RIN2: variants seen among roughly 807,000 people sequenced by gnomAD.
RIN2 encodes the protein Ras and Rab interactor 2, also known as RAB5 interacting protein 2.
A neutral mutation model predicts 78.0 loss-of-function variants in RIN2; 36 were observed. That is an observed-to-expected ratio of 0.46 (90% CI 0.35 to 0.61). The LOEUF (loss-of-function observed/expected upper bound fraction) is 0.61, where lower values mean the gene tolerates loss of function less well. Among genes scored for constraint, RIN2 ranks in the 20% least tolerant of loss-of-function variants. The probability of loss-of-function intolerance (pLI) is 0.00; values close to 1 mark genes in which losing one functional copy is unlikely to be tolerated. For missense variants in RIN2, 1,087 were observed against 1,159.7 expected, an observed-to-expected ratio of 0.94 and a Z score of 0.91; for synonymous variants, 466 against 466.8, an observed-to-expected ratio of 1.00 and a Z score of 0.02.
chr20:19,992,368 A>T, intron 11 of RIN2, 69 bp downstream of exon 11: 1 of 1,415,854 alleles, frequency 7.1e-7, no homozygotes, highest in Non-Finnish European at 9.5e-7. Flanking sequence ...ATTGAGACGA[A>T]ATTCATGTCA....
At chr20:19,878,143 C>G (rs2037913969) in intron 2 of RIN2, among the ~76,000 whole-genome samples, 1 of 152,242 alleles carries the variant, frequency 6.6e-6, no homozygotes, top group South Asian at 2.1e-4. Context: ...CCTCACCCCT[C>G]CTCGTGGAAG....
At chr20:19,941,261 A>C (rs145234234) in intron 4 of RIN2, among the ~76,000 whole-genome samples, 44 of 152,296 alleles carry the variant, frequency 2.9e-4, no homozygotes, top group African/African-American at 1.0e-3. Flanking sequence ...GGAAACCCAG[A>C]AGGCTCCTCC....
intron 9 of RIN2, among the ~76,000 whole-genome samples, chr20:19,986,675 G>A (rs1041107254): frequency 6.6e-6 from 1 of 152,156 alleles, no homozygotes; most frequent in South Asian, 2.1e-4. Flanking sequence ...AGCCTTTTGG[G>A]GATGATTTGT....
chr20:19,762,070 A>G (rs902939742), intron 1 of RIN2, among the ~76,000 whole-genome samples: 2 of 152,166 alleles, frequency 1.3e-5, no homozygotes, highest in African/African-American at 4.8e-5. Flanking sequence ...TAGGGTGTCT[A>G]AGTGTGTGTG....
At chr20:19,894,166 T>A (rs1359788512) in intron 3 of RIN2, among the ~76,000 whole-genome samples, 1 of 152,160 alleles carries the variant, frequency 6.6e-6, no homozygotes, top group Non-Finnish European at 1.5e-5. Flanking sequence ...AAGTAATAAA[T>A]GTGAACACCT....
At position 19,952,463 on chromosome 20, in the gene RIN2, A is replaced by G. The variant is rs931402055; in HGVS notation, c.159-4152A>G. On this transcript the variant is annotated intron_variant, in intron 4 of 12. Transcript: ENST00000255006. ...TTTGTCCTGTAATAATATGCTATAA[A>G]CCTCAAGTGGCTGGCTGAATCAAGG... Among the ~76,000 whole-genome samples, 48 of 152,280 alleles carry G rather than the reference A, an allele frequency of 3.2e-4. 1 individual carries two copies. The highest frequency in any genetic ancestry group is 1.1e-3 in the African/African-American group (47 of 41,560).
chr20:19,937,898 G>C (rs1046878818), intron 4 of RIN2, among the ~76,000 whole-genome samples: 5 of 152,234 alleles, frequency 3.3e-5, no homozygotes, highest in Non-Finnish European at 5.9e-5. Flanking sequence ...ACTGTGGTTT[G>C]TTGCCTACAA....
intron 3 of RIN2, among the ~76,000 whole-genome samples, chr20:19,897,502 T>C (rs2038785468): frequency 1.3e-5 from 2 of 152,044 alleles, no homozygotes; most frequent in Admixed American, 1.3e-4. Context: ...ATCCCTTCCT[T>C]CTACAGATGG....
chr20:19,925,269 A>G (rs2146074020), intron 3 of RIN2, among the ~76,000 whole-genome samples: 2 of 152,308 alleles, frequency 1.3e-5, no homozygotes, highest in East Asian at 3.9e-4. Context: ...CATGCACAAA[A>G]CTAAATTCCA....
Position 19,771,544 on chromosome 20 carries a change from G to A in RIN2, c.-163+13217G>A, listed in dbSNP as rs140505845. Among the ~76,000 whole-genome samples, 790 of 152,224 alleles carry A rather than the reference G, an allele frequency of 5.2e-3. 1 individual carries two copies. Among genetic ancestry groups the A allele is most frequent in the Middle Eastern group, 0.014 (4 of 294 alleles). ...AGACGGACATGGCCAGGAAGACCAC[G>A]GCATCCTTAAGGGATTCACGGCTGT... On this transcript the variant is annotated intron_variant, in intron 1 of 12. Transcript: ENST00000255006.
intron 9 of RIN2, among the ~76,000 whole-genome samples, chr20:19,984,203 A>G (rs2042555565): frequency 6.6e-6 from 1 of 152,078 alleles, no homozygotes; most frequent in East Asian, 1.9e-4. Context: ...TTTTAATACA[A>G]TCATGTGTTG....
chr20:19,856,553 G>T (rs1004541001), intron 2 of RIN2, among the ~76,000 whole-genome samples: 1 of 149,416 alleles, frequency 6.7e-6, no homozygotes, highest in African/African-American at 2.5e-5. Flanking sequence ...AAAAGAGAGA[G>T]GGAGAGAAAG....
At chr20:19,802,916 C>T (rs2035291894) in intron 2 of RIN2, among the ~76,000 whole-genome samples, 2 of 152,170 alleles carry the variant, frequency 1.3e-5, no homozygotes, top group African/African-American at 4.8e-5. Context: ...GACCTATACT[C>T]CAAGGAGCAC....
At chr20:19,923,343 G>T (rs2040004589) in intron 3 of RIN2, among the ~76,000 whole-genome samples, 1 of 151,806 alleles carries the variant, frequency 6.6e-6, no homozygotes. Flanking sequence ...TTGAACCCAG[G>T]AGGCAGAGGT....
intron 3 of RIN2, among the ~76,000 whole-genome samples, chr20:19,930,127 T>A (rs987119361): frequency 6.6e-6 from 1 of 151,836 alleles, no homozygotes; most frequent in Non-Finnish European, 1.5e-5. Context: ...CAAAAAAAAG[T>A]CCCCACATCC....
chr20:19,968,459 G>T (rs1256278729), intron 7 of RIN2, among the ~76,000 whole-genome samples: 10 of 152,162 alleles, frequency 6.6e-5, no homozygotes, highest in Admixed American at 4.6e-4. Flanking sequence ...GAGTGTGTGT[G>T]CGTGTGCATG....
chr20:19,887,377 C>G (rs2038245904), intron 2 of RIN2, among the ~76,000 whole-genome samples: 1 of 152,082 alleles, frequency 6.6e-6, no homozygotes, highest in Admixed American at 6.6e-5. Flanking sequence ...TATGTACTGT[C>G]TGCTTGAACT....
rs190656368 is a variant in RIN2, at chr20:19,848,399, G to A, written c.-36-41167G>A. 1.8e-3 allele frequency among the ~76,000 whole-genome samples: 274 copies of A among 152,044 alleles called. 1 individual carries two copies. The highest frequency in any genetic ancestry group is 6.3e-3 in the African/African-American group (261 of 41,466). On this transcript the variant is annotated intron_variant, in intron 2 of 12. Coordinates refer to ENST00000255006, the MANE Select transcript of RIN2 (RefSeq NM_018993.4). ...AACACACAAAAAATTAGCTGGGCGTGGTGGTGTGTGCCTGTAATCCCAGCT... is the reference window on the plus strand; with the variant it reads ...AACACACAAAAAATTAGCTGGGCGTAGTGGTGTGTGCCTGTAATCCCAGCT...
At chr20:19,892,438 A>T (rs1476649458) in intron 3 of RIN2, among the ~76,000 whole-genome samples, 1 of 151,448 alleles carries the variant, frequency 6.6e-6, no homozygotes, top group African/African-American at 2.4e-5. Flanking sequence ...CTGGTCTCGA[A>T]CTCCTGACCT....
Sources: allele counts gnomAD v4.1 joint callset (sites outside exome capture counted in the v4.1 genomes callset), GRCh38; gene constraint gnomAD v4.1.1; transcripts MANE v1.5; gene names NCBI Gene and HGNC (gene_info 2026-07-23, HGNC 2026-07-21).